PROM2: variants seen among roughly 807,000 people sequenced by gnomAD.
PROM2 encodes prominin-2.
A neutral mutation model predicts 110.2 loss-of-function variants in PROM2; 90 were observed. The observed-to-expected ratio is 0.82, with a 90% CI of 0.69 to 0.97. The LOEUF (loss-of-function observed/expected upper bound fraction) is 0.97, where lower values mean the gene tolerates loss of function less well. Among genes scored for constraint, PROM2 ranks in the 50% least tolerant of loss-of-function variants. PROM2 has a pLI of 0.00. For synonymous variants in PROM2, 470 were observed against 467.8 expected, an observed-to-expected ratio of 1.00 and a Z score of -0.06; for missense variants, 1,009 against 1,074.8, an observed-to-expected ratio of 0.94 and a Z score of 0.86.
At position 95,281,992 on chromosome 2, in the gene PROM2, A is replaced by G; in HGVS notation, c.1619A>G (p.Asn540Ser). 6.2e-7 allele frequency: 1 copy of G among 1,614,082 alleles called. No homozygotes were observed. The highest frequency in any genetic ancestry group is 8.5e-7 in the Non-Finnish European group (1 of 1,179,970). The change falls in exon 13 of 24, where the codon AAC (asparagine) becomes AGC (serine). Residue 540 changes from asparagine (N) to serine (S), a missense_variant. Coordinates refer to ENST00000317620, the MANE Select transcript of PROM2 (RefSeq NM_001165978.3). The part of the protein sequence containing the change: ...NLSQLLGLRK[N>S]ISIHQAYQQC... ...TCGCAACTTCTTGGCCTGAGGAAGA[A>G]CATCAGCATCCACCAAGCCTATCAG...
At chr2:95,284,891 C>G in intron 14 of PROM2, 78 bp from the exon 15 acceptor site, 1 of 1,460,548 alleles carries the variant, frequency 6.8e-7, no homozygotes, top group Non-Finnish European at 9.2e-7. Context: ...GCCTGGTGAC[C>G]CCTGTGCTTA....
Position 95,281,221 on chromosome 2 carries a change from C to T in PROM2, c.1428-21C>T, listed in dbSNP as rs372888342. ...CAGCCAGTCCCTGCTGTCCCTCAGTCCTGCCTCTCGCCTACCCCAGAGGTG... is the reference window on the plus strand; with the variant it reads ...CAGCCAGTCCCTGCTGTCCCTCAGTTCTGCCTCTCGCCTACCCCAGAGGTG... On this transcript the variant is annotated intron_variant, in intron 11 of 23. Coordinates refer to ENST00000317620, the MANE Select transcript of PROM2 (RefSeq NM_001165978.3). 1.9e-5 allele frequency: 30 copies of T among 1,609,652 alleles called. No individual in the cohort carries two copies. The African/African-American group carries it at 3.3e-4, about 18-fold the overall frequency.
Position 95,276,777 on chromosome 2 carries a change from G to A in PROM2, c.682+120G>A, listed in dbSNP as rs1363937263. 3.2e-6 allele frequency: 4 copies of A among 1,248,196 alleles called. No homozygotes were observed. The highest frequency in any genetic ancestry group is 1.1e-6 in the Non-Finnish European group (1 of 872,602). The allele number at this position is 1,248,196 out of a possible 1,614,324, so 77.3% of individuals were successfully genotyped here. Reference sequence around the variant, plus strand: ...CCCCCGGGAACAGGCTGGTAGAGGTGGGGATCAGGCCGGCTGGAGAGCAAG... The same window carrying A: ...CCCCCGGGAACAGGCTGGTAGAGGTAGGGATCAGGCCGGCTGGAGAGCAAG... On this transcript the variant is annotated intron_variant, in intron 5 of 23. Coordinates refer to ENST00000317620, the MANE Select transcript of PROM2 (RefSeq NM_001165978.3). The surrounding 1 kb of genome is among the most constrained non-coding windows in gnomAD (Gnocchi z 4.6).
intron 17 of PROM2, 102 bp from the exon 18 acceptor site, chr2:95,286,698 CCCCT>C: frequency 1.9e-6 from 1 of 529,450 alleles, no homozygotes; most frequent in Admixed American, 2.5e-5. Context: ...CCCCTCCTCT[CCCCT>C]CCTCTCCCCT....
chr2:95,278,903 A>G, intron 9 of PROM2, 82 bp from the exon 10 acceptor site: 1 of 1,603,002 alleles, frequency 6.2e-7, no homozygotes, highest in Middle Eastern at 1.7e-4. Flanking sequence ...TGTGGTTCCC[A>G]GATGTTCTTC....
At chr2:95,277,858 C>A in intron 7 of PROM2, 72 bp from the exon 8 acceptor site, 1 of 1,323,536 alleles carries the variant, frequency 7.6e-7, no homozygotes, top group East Asian at 2.5e-5. Context: ...CCCTGCCCCC[C>A]TCATCCACCC....
chr2:95,275,349 T>C lies in PROM2; in HGVS notation c.245-112T>C, dbSNP rs1319647305. The C allele has an allele frequency of 4.5e-5, 44 of 969,154 alleles. 1 individual carries two copies. In the Admixed American group the frequency reaches 9.8e-4, roughly 22 times the overall value. The allele number at this position is 969,154 out of a possible 1,614,324, so 60.0% of individuals were successfully genotyped here. A position where few individuals can be genotyped will look rare whatever the true frequency, so the allele number is the denominator to read the frequency against. On this transcript the variant is annotated intron_variant, in intron 1 of 23. Coordinates refer to ENST00000317620, the MANE Select transcript of PROM2 (RefSeq NM_001165978.3). This position sits in a 1 kb window ranked among gnomAD's most constrained non-coding sequence, Gnocchi z 4.4. ...GCAGCCTTCTGCGAGGGTGCCATGG[T>C]GGTGGCAGGAGCCCTGCCTCAGAGC...
rs995606223 is a variant in PROM2, at chr2:95,290,654, C to A, written c.*1441C>A. 1.3e-5 allele frequency: 2 copies of A among 152,202 alleles called. No individual in the cohort carries two copies. Among genetic ancestry groups the A allele is most frequent in the African/African-American group, 4.8e-5 (2 of 41,446 alleles). 9.4% of individuals were successfully genotyped at this position (152,202 alleles called of 1,614,324 possible). ...CCCTTAGCAGTGGCCTGGCACAAAA[C>A]AAATGCTCAGTGGATGGAAGCTGCC... is the stretch of plus-strand genomic sequence containing the variant. On this transcript the variant is annotated 3_prime_UTR_variant, in exon 24 of 24. Coordinates refer to ENST00000317620, the MANE Select transcript of PROM2 (RefSeq NM_001165978.3).
intron 9 of PROM2, 31 bp from the exon 10 acceptor site, chr2:95,278,954 G>A (rs375097342): frequency 3.1e-6 from 5 of 1,595,994 alleles, no homozygotes; most frequent in Admixed American, 3.4e-5. Context: ...GGTGCCCTCC[G>A]CATCCCACAA....
chr2:95,276,696 C>T lies in PROM2; in HGVS notation c.682+39C>T. Reference sequence around the variant, plus strand: ...GGACTGGCAGGTGGGCTGGCTCCTTCCAGGGCCCCTGCTCGGGTGCCTCGG... The same window carrying T: ...GGACTGGCAGGTGGGCTGGCTCCTTTCAGGGCCCCTGCTCGGGTGCCTCGG... On this transcript the variant is annotated intron_variant, in intron 5 of 23. Transcript: ENST00000317620. The surrounding 1 kb of genome is among the most constrained non-coding windows in gnomAD (Gnocchi z 4.6). The T allele has an allele frequency of 6.2e-7, 1 of 1,607,060 alleles. No individual in the cohort carries two copies. The highest frequency in any genetic ancestry group is 8.5e-7 in the Non-Finnish European group (1 of 1,175,618).
intron 1 of PROM2, 76 bp downstream of exon 1, chr2:95,274,905 G>A (rs1438166553): frequency 6.9e-7 from 1 of 1,458,834 alleles, no homozygotes; most frequent in African/African-American, 1.4e-5. Flanking sequence ...ACTCTACCAT[G>A]GGATGTGCCC....
At position 95,280,000 on chromosome 2, in the gene PROM2, A is replaced by G. The variant is rs778732505; in HGVS notation, c.1427+3A>G. The G allele has an allele frequency of 8.9e-5, 128 of 1,443,486 alleles. No homozygotes were observed. The highest frequency in any genetic ancestry group is 3.9e-4 in the Middle Eastern group (2 of 5,104). The allele number at this position is 1,443,486 out of a possible 1,614,324, so 89.4% of individuals were successfully genotyped here. A position where few individuals can be genotyped will look rare whatever the true frequency, so the allele number is the denominator to read the frequency against. ...GCTGGAGCCCGCTTCCTCATGGCGTAAGAAAGGGCTGGGAGAGGGGAAGGG... is the reference window on the plus strand; with the variant it reads ...GCTGGAGCCCGCTTCCTCATGGCGTGAGAAAGGGCTGGGAGAGGGGAAGGG... On this transcript the variant is annotated splice_donor_region_variant and intron_variant, in intron 11 of 23. Transcript: ENST00000317620.
At chr2:95,288,368 C>G (rs1390632997) in intron 21 of PROM2, 68 bp downstream of exon 21, 11 of 1,594,112 alleles carry the variant, frequency 6.9e-6, no homozygotes, top group Non-Finnish European at 1.7e-6. Context: ...CAGGGAGGGC[C>G]GGGTGAGCAG....
intron 7 of PROM2, 156 bp downstream of exon 7, chr2:95,277,722 C>A: frequency 1.2e-6 from 1 of 814,260 alleles, no homozygotes. Context: ...GGGTGGAGTG[C>A]TCCCCAGGCC....
At chr2:95,282,104 C>A (rs1677083782) in intron 13 of PROM2, 38 bp from the exon 14 acceptor site, 1 of 1,610,466 alleles carries the variant, frequency 6.2e-7, no homozygotes, top group East Asian at 2.2e-5. Flanking sequence ...CCCCGCCACC[C>A]CCAAGGCTCA....
At chr2:95,287,543 C>A in intron 20 of PROM2, 79 bp downstream of exon 20, 1 of 1,454,036 alleles carries the variant, frequency 6.9e-7, no homozygotes, top group South Asian at 1.2e-5. Context: ...CCCGCCCCCG[C>A]CCCCGGAGCC....
chr2:95,281,936 C>G lies in PROM2; in HGVS notation c.1563C>G (p.Thr521=), dbSNP rs755241060. 16 of 1,614,012 alleles carry G rather than the reference C, an allele frequency of 9.9e-6. No individual in the cohort carries two copies. The South Asian group carries it at 1.8e-4, about 18-fold the overall frequency. Residue 521 remains threonine (T), a synonymous_variant, in exon 13 of 24, where the codon ACC becomes ACG. Coordinates refer to ENST00000317620, the MANE Select transcript of PROM2 (RefSeq NM_001165978.3). ...ENGELFEFAD[T]PGNLPPSMNL... is the part of the protein sequence containing the mutation. ...TGCCCCATCCCCAGTTTGCAGACAC[C>G]CCAGGGAACCTGCCCCCGTCCATGA...
rs867153456 is a variant in PROM2 at position 95,287,547 on chromosome 2, C to T, written c.2244+83C>T. On this transcript the variant is annotated intron_variant, in intron 20 of 23. Transcript: ENST00000317620. ...CCCTGCTCTGCCCCGCCCCCGCCCC[C>T]GGAGCCCCTTGGGGGTGACCCAGGC... 25 of 1,457,192 alleles carry T rather than the reference C, an allele frequency of 1.7e-5. No individual in the cohort carries two copies. In the Middle Eastern group the frequency reaches 6.8e-4, roughly 40 times the overall value. The allele number at this position is 1,457,192 out of a possible 1,614,324, so 90.3% of individuals were successfully genotyped here. A position where few individuals can be genotyped will look rare whatever the true frequency, so the allele number is the denominator to read the frequency against.
At position 95,276,930 on chromosome 2, in the gene PROM2, A is replaced by G; in HGVS notation, c.683-42A>G. 6.5e-7 allele frequency: 1 copy of G among 1,534,190 alleles called. No individual in the cohort carries two copies. Among genetic ancestry groups the G allele is most frequent in the Non-Finnish European group, 8.8e-7 (1 of 1,132,102 alleles). On this transcript the variant is annotated intron_variant, in intron 5 of 23. Transcript: ENST00000317620. The surrounding 1 kb of genome is among the most constrained non-coding windows in gnomAD (Gnocchi z 4.6). ...GGATGGGAATGGGGAGGGCCCCTCC[A>G]CTCTTGGGGTCCCACCCTGCAGACT... is the stretch of plus-strand genomic sequence containing the variant.
Sources: gnomAD v4.1 joint callset for allele counts on GRCh38, gnomAD v4.1.1 for gene constraint, Gnocchi (gnomAD v3.1) non-coding constraint, MANE v1.5 for transcripts, NCBI Gene and HGNC (gene_info 2026-07-23, HGNC 2026-07-21) for gene names.